Variants in CMIP observed in about 807,000 individuals in gnomAD.
CMIP encodes the protein c-Maf inducing protein.
CMIP carries 13 observed loss-of-function variants against 97.3 expected under a neutral mutation model. That is an observed-to-expected ratio of 0.13 (90% CI 0.09 to 0.21). The LOEUF is 0.21. Among genes scored for constraint, CMIP ranks in the 10% least tolerant of loss-of-function variants. The pLI, the probability that CMIP is intolerant of heterozygous loss-of-function variation, is 1.00. For missense variants in CMIP, 847 were observed against 1,024.9 expected (o/e 0.83, Z 2.37); for synonymous variants, 538 against 436.3 (o/e 1.23, Z -2.91).
At chr16:81,667,799 A>AGAGAGAGAGAGTGTGTGTGTGT in intron 7 of CMIP, among the ~76,000 whole-genome samples, 13 of 58,130 alleles carry the variant, frequency 2.2e-4, no homozygotes, top group Non-Finnish European at 2.6e-4. Flanking sequence ...AGAGAGAGAG[A>AGAGAGAGAGAGTGTGTGTGTGT]GTGTGTGTGT....
intron 1 of CMIP, among the ~76,000 whole-genome samples, chr16:81,592,467 G>T (rs1257451532): frequency 6.6e-6 from 1 of 152,156 alleles, no homozygotes; most frequent in Non-Finnish European, 1.5e-5. Context: ...CGTGTTCCAG[G>T]GTGCCCCTCC....
At chr16:81,701,613 T>C (rs1907415784) in intron 15 of CMIP, 47 bp from the exon 16 acceptor site, 1 of 1,613,128 alleles carries the variant, frequency 6.2e-7, no homozygotes, top group South Asian at 1.1e-5. Flanking sequence ...TGTGCTGAGC[T>C]AGGGTGGCAG....
chr16:81,602,833 A>G (rs1470727969), intron 1 of CMIP, among the ~76,000 whole-genome samples: 1 of 152,166 alleles, frequency 6.6e-6, no homozygotes, highest in Non-Finnish European at 1.5e-5. Flanking sequence ...CCAGACAGGA[A>G]TCTCCTCCCC....
intron 1 of CMIP, among the ~76,000 whole-genome samples, chr16:81,550,996 C>G (rs1444336498): frequency 6.8e-6 from 1 of 146,492 alleles, no homozygotes; most frequent in East Asian, 2.0e-4. Context: ...ACACGCACCC[C>G]AGTCCCGTCA....
Position 81,621,807 on chromosome 16 carries a change from C to G in CMIP, c.477+881C>G, listed in dbSNP as rs1047334660. 1.3e-5 allele frequency: 2 copies of G among 152,500 alleles called. No individual in the cohort carries two copies. The highest frequency in any genetic ancestry group is 6.5e-5 in the Admixed American group (1 of 15,288). The allele number at this position is 152,500 out of a possible 1,614,324, so 9.4% of individuals were successfully genotyped here. On this transcript the variant is annotated intron_variant, in intron 3 of 20. Transcript: ENST00000537098. This position sits in a 1 kb window ranked among gnomAD's most constrained non-coding sequence, Gnocchi z 4.1. ...AGGACCCAGGGAACACTCAGGATTC[C>G]TCTCATGGCTCCAGAGGGGCTCCCC...
intron 1 of CMIP, among the ~76,000 whole-genome samples, chr16:81,557,965 C>T (rs1025099577): frequency 2.0e-5 from 3 of 152,172 alleles, no homozygotes; most frequent in African/African-American, 7.2e-5. Flanking sequence ...CCTCCCCGAG[C>T]CCCTGACACC....
intron 4 of CMIP, among the ~76,000 whole-genome samples, chr16:81,656,463 A>G (rs138287319): frequency 2.6e-4 from 40 of 152,342 alleles, no homozygotes; most frequent in African/African-American, 9.4e-4. Flanking sequence ...GTGTCCACCA[A>G]AACAGACAAG....
At chr16:81,692,435 A>G (rs1162984897) in intron 11 of CMIP, among the ~76,000 whole-genome samples, 1 of 152,178 alleles carries the variant, frequency 6.6e-6, no homozygotes, top group Non-Finnish European at 1.5e-5. Flanking sequence ...TGGCCTGAAG[A>G]GAAGGCTTTG....
At chr16:81,567,269 T>C (rs2090999834) in intron 1 of CMIP, among the ~76,000 whole-genome samples, 1 of 152,244 alleles carries the variant, frequency 6.6e-6, no homozygotes, top group African/African-American at 2.4e-5. Context: ...AGCTGCAGAC[T>C]TCCCTGAAGG....
chr16:81,655,531 G>A lies in CMIP; in HGVS notation c.640-2244G>A, dbSNP rs2092472429. Among the ~76,000 whole-genome samples the A allele has an allele frequency of 6.6e-6, 1 of 152,220 alleles. No individual in the cohort carries two copies. The highest frequency in any genetic ancestry group is 1.5e-5 in the Non-Finnish European group (1 of 68,032). ...TATTGGTGGACATGCTCTACCAGGG[G>A]TGGAAAATGGCCCTGGGGGAGAGAA... On this transcript the variant is annotated intron_variant, in intron 4 of 20. Transcript: ENST00000537098. This position sits in a 1 kb window ranked among gnomAD's most constrained non-coding sequence, Gnocchi z 4.9.
At chr16:81,659,210 G>A (rs2092518118) in intron 5 of CMIP, among the ~76,000 whole-genome samples, 1 of 152,318 alleles carries the variant, frequency 6.6e-6, no homozygotes, top group Middle Eastern at 3.4e-3. Context: ...ACTTTGCTGA[G>A]CATGTGAGTC....
chr16:81,502,215 G>T (rs928197330), intron 1 of CMIP, among the ~76,000 whole-genome samples: 5 of 152,230 alleles, frequency 3.3e-5, no homozygotes, highest in African/African-American at 1.2e-4. Flanking sequence ...TGGGCTGACA[G>T]TTGCAGCATA....
intron 10 of CMIP, among the ~76,000 whole-genome samples, chr16:81,686,336 C>A (rs1567662322): frequency 6.6e-6 from 1 of 152,174 alleles, no homozygotes; most frequent in Non-Finnish European, 1.5e-5. Flanking sequence ...GTCTCCATGT[C>A]CTGACATGCA....
In CMIP at chr16:81,528,972, C is replaced by T. The variant is rs187401207; in HGVS notation, c.301-78595C>T. 2.8e-4 allele frequency among the ~76,000 whole-genome samples: 42 copies of T among 152,220 alleles called. No individual in the cohort carries two copies. In the East Asian group the frequency reaches 7.9e-3, roughly 29 times the overall value. ...CCACCCGTCCATCCACCCACCCATCCCTCCATCTATCCGCCCATCCCTTTA... is the reference window on the plus strand; with the variant it reads ...CCACCCGTCCATCCACCCACCCATCTCTCCATCTATCCGCCCATCCCTTTA... On this transcript the variant is annotated intron_variant, in intron 1 of 20. Coordinates refer to ENST00000537098, the MANE Select transcript of CMIP (RefSeq NM_198390.3).
intron 1 of CMIP, among the ~76,000 whole-genome samples, chr16:81,543,961 AAC>A (rs1298171436): frequency 6.6e-6 from 1 of 152,214 alleles, no homozygotes; most frequent in African/African-American, 2.4e-5. Flanking sequence ...TACTTGGGAG[AAC>A]ACAGCTATTT....
At chr16:81,463,693 G>C (rs938928482) in intron 1 of CMIP, among the ~76,000 whole-genome samples, 4 of 152,210 alleles carry the variant, frequency 2.6e-5, no homozygotes, top group African/African-American at 4.8e-5. Flanking sequence ...GGTGGGCAGT[G>C]TCCCCGTGTT....
chr16:81,543,934 CG>C (rs1567570050), intron 1 of CMIP, among the ~76,000 whole-genome samples: 1 of 152,206 alleles, frequency 6.6e-6, no homozygotes, highest in Non-Finnish European at 1.5e-5. Context: ...ATCGTATTAT[CG>C]GGAAAAGGTT....
intron 3 of CMIP, among the ~76,000 whole-genome samples, chr16:81,622,522 C>T (rs917182627): frequency 2.0e-5 from 3 of 151,920 alleles, no homozygotes; most frequent in African/African-American, 7.3e-5. Context: ...CACGGGGGTA[C>T]CACCTCTTCC....
intron 7 of CMIP, among the ~76,000 whole-genome samples, chr16:81,668,481 G>A (rs2151033544): frequency 6.6e-6 from 1 of 152,292 alleles, no homozygotes; most frequent in South Asian, 2.1e-4. Flanking sequence ...TCTCTGTGCC[G>A]TGGCCCCTGT....
Sources: gnomAD v4.1 joint callset for allele counts (sites outside exome capture counted in the v4.1 genomes callset) on GRCh38, gnomAD v4.1.1 for gene constraint, Gnocchi (gnomAD v3.1) non-coding constraint, MANE v1.5 for transcripts, NCBI Gene and HGNC (gene_info 2026-07-23, HGNC 2026-07-21) for gene names.